PFKFB3: variants seen among roughly 807,000 people sequenced by gnomAD.
The protein encoded by PFKFB3 is 6-phosphofructo-2-kinase/fructose-2,6-biphosphatase 3.
In PFKFB3, 33 loss-of-function variants were observed where a neutral mutation model predicts 68.0. The observed-to-expected ratio is 0.49, with a 90% CI of 0.37 to 0.65. The LOEUF (loss-of-function observed/expected upper bound fraction) is 0.65. Ranked by LOEUF, PFKFB3 falls within the 30% of genes least tolerant of loss-of-function variation. PFKFB3 has a pLI of 0.00. For missense variants in PFKFB3, 586 were observed against 712.2 expected (o/e 0.82, Z 2.02); for synonymous variants, 315 against 288.2 (o/e 1.09, Z -0.94).
intron 10 of PFKFB3, 30 bp from the exon 11 acceptor site, chr10:6,222,825 G>C: frequency 6.3e-7 from 1 of 1,598,094 alleles, no homozygotes; most frequent in South Asian, 1.1e-5. Context: ...AGTGCCCTGA[G>C]CTCACGTGGG....
chr10:6,264,566 G>A, the PFKFB3 span, among the ~76,000 whole-genome samples: 1 of 151,992 alleles, frequency 6.6e-6, no homozygotes, highest in South Asian at 2.1e-4. Context: ...TTATTCTTAG[G>A]TATTTGATTT....
chr10:6,230,083 G>A (rs147364193), intron 14 of PFKFB3, among the ~76,000 whole-genome samples: 3 of 152,234 alleles, frequency 2.0e-5, no homozygotes, highest in Non-Finnish European at 2.9e-5. Flanking sequence ...GGAGCCATTC[G>A]GGGATAGTCC....
At chr10:6,318,049 G>A in the PFKFB3 span, among the ~76,000 whole-genome samples, 3 of 152,192 alleles carry the variant, frequency 2.0e-5, no homozygotes, top group African/African-American at 4.8e-5. Flanking sequence ...AACCTGAAAA[G>A]CGAAAGTTCC....
At chr10:6,193,801 C>T (rs952277740) in intron 1 of PFKFB3, among the ~76,000 whole-genome samples, 4 of 151,808 alleles carry the variant, frequency 2.6e-5, no homozygotes, top group African/African-American at 4.8e-5. Context: ...AAAGAAACTT[C>T]TTAAGGGTGG....
intron 14 of PFKFB3, among the ~76,000 whole-genome samples, chr10:6,252,323 T>G (rs1403039869): frequency 6.6e-6 from 1 of 152,252 alleles, no homozygotes; most frequent in Non-Finnish European, 1.5e-5. Flanking sequence ...CTTTGCGATT[T>G]TTTTCTTTTG....
In PFKFB3 at chr10:6,219,642, T is replaced by A. The variant is rs759944528; in HGVS notation, c.572T>A (p.Ile191Asn). The A allele has an allele frequency of 1.2e-6, 2 of 1,613,832 alleles. No individual in the cohort carries two copies. The highest frequency in any genetic ancestry group is 2.2e-5 in the South Asian group (2 of 91,062). Residue 191 changes from isoleucine to asparagine, a missense_variant, in exon 7 of 15, where the codon ATC becomes AAC. Ile to Asn is a moderately radical substitution (Grantham distance 149, BLOSUM62 -3). Coordinates refer to ENST00000379775, the MANE Select transcript of PFKFB3 (RefSeq NM_004566.4). ...GCCATGGACGACTTCATGAAGAGGA[T>A]CAGTTGCTATGAAGCCAGCTACCAG... ...AEAMDDFMKR[I>N]SCYEASYQPL...
rs142143409 is a variant in PFKFB3 at position 6,191,886 on chromosome 10, G to A, written c.17-21737G>A. Among the ~76,000 whole-genome samples, 316 of 152,142 alleles carry A rather than the reference G, an allele frequency of 2.1e-3. 2 individuals are homozygous for A. Among genetic ancestry groups the A allele is most frequent in the East Asian group, 8.5e-3 (44 of 5,184 alleles). On this transcript the variant is annotated intron_variant, in intron 1 of 14. Coordinates refer to the PFKFB3 transcript ENST00000379789. ...CTGTCTCGCTCTTTAGCCGTTTCTCGTAGGGATGGTGTCCAGGTGGCTCGG... is the reference window on the plus strand; with the variant it reads ...CTGTCTCGCTCTTTAGCCGTTTCTCATAGGGATGGTGTCCAGGTGGCTCGG...
chr10:6,215,836 G>A lies in PFKFB3; in HGVS notation c.300-289G>A, dbSNP rs1331430706. On this transcript the variant is annotated intron_variant, in intron 3 of 14. Coordinates refer to ENST00000379775, the MANE Select transcript of PFKFB3 (RefSeq NM_004566.4). The surrounding 1 kb of genome is among the most constrained non-coding windows in gnomAD (Gnocchi z 4.3). Reference sequence around the variant, plus strand: ...CAGGCCCCACCCCAGACCAGTTAGTGCAACTCTGTGGGTGGCTCTGGGCAG... The same window carrying A: ...CAGGCCCCACCCCAGACCAGTTAGTACAACTCTGTGGGTGGCTCTGGGCAG... 2.0e-5 allele frequency among the ~76,000 whole-genome samples: 3 copies of A among 152,194 alleles called. No homozygotes were observed. Among genetic ancestry groups the A allele is most frequent in the Admixed American group, 2.0e-4 (3 of 15,284 alleles).
the PFKFB3 span, among the ~76,000 whole-genome samples, chr10:6,281,412 G>A: frequency 6.6e-6 from 1 of 151,900 alleles, no homozygotes; most frequent in Non-Finnish European, 1.5e-5. Context: ...TGCAAGTGAA[G>A]CCCAGACTGT....
chr10:6,265,223 G>A, the PFKFB3 span, among the ~76,000 whole-genome samples: 2 of 151,836 alleles, frequency 1.3e-5, no homozygotes, highest in Admixed American at 6.6e-5. Flanking sequence ...TGGGACTACA[G>A]GTGCATGCCA....
At chr10:6,279,742 T>C in the PFKFB3 span, among the ~76,000 whole-genome samples, 1 of 152,148 alleles carries the variant, frequency 6.6e-6, no homozygotes, top group East Asian at 1.9e-4. Flanking sequence ...GTGAACAAAA[T>C]TTCCAGCCAT....
At chr10:6,298,151 AG>A in the PFKFB3 span, among the ~76,000 whole-genome samples, 13 of 152,284 alleles carry the variant, frequency 8.5e-5, no homozygotes, top group Non-Finnish European at 1.8e-4. Context: ...AAAGGGAAAA[AG>A]TGGAGGAGAC....
chr10:6,165,884 C>T (rs1315361379), intron 1 of PFKFB3, among the ~76,000 whole-genome samples: 2 of 151,690 alleles, frequency 1.3e-5, no homozygotes, highest in African/African-American at 2.4e-5. Context: ...GTGCTATCTC[C>T]GCTCACTGCA....
At chr10:6,177,428 T>TCTTC (rs1842532662) in intron 1 of PFKFB3, among the ~76,000 whole-genome samples, 2 of 128,830 alleles carry the variant, frequency 1.6e-5, no homozygotes, top group Admixed American at 8.8e-5. Flanking sequence ...TTTCTTCCTT[T>TCTTC]CTTTTCTTTC....
intron 14 of PFKFB3, among the ~76,000 whole-genome samples, chr10:6,231,078 C>T (rs1486705376): frequency 6.6e-6 from 1 of 152,098 alleles, no homozygotes. Context: ...CTGTCCGGAC[C>T]TGGTGCTCTG....
intron 14 of PFKFB3, among the ~76,000 whole-genome samples, chr10:6,246,588 C>T (rs556619561): frequency 2.3e-4 from 35 of 152,082 alleles, no homozygotes; most frequent in African/African-American, 7.2e-4. Flanking sequence ...GTGATCCGCC[C>T]GCGTCGGCCT....
chr10:6,170,989 G>A (rs1313868209), intron 1 of PFKFB3, among the ~76,000 whole-genome samples: 5 of 152,152 alleles, frequency 3.3e-5, no homozygotes, highest in East Asian at 3.8e-4. Context: ...GGATTACTCC[G>A]TGCAGGAAGG....
At chr10:6,181,954 A>G (rs1456137853) in intron 1 of PFKFB3, among the ~76,000 whole-genome samples, 4 of 152,060 alleles carry the variant, frequency 2.6e-5, no homozygotes, top group Non-Finnish European at 5.9e-5. Context: ...CACAGTTTCC[A>G]TTGGAGAAGA....
intron 1 of PFKFB3, among the ~76,000 whole-genome samples, chr10:6,178,551 G>A (rs1243788098): frequency 2.0e-5 from 2 of 102,368 alleles, no homozygotes; most frequent in Non-Finnish European, 4.1e-5. Flanking sequence ...CCACTGACCC[G>A]GAGCTGCTGG....
Sources: allele counts gnomAD v4.1 joint callset (sites outside exome capture counted in the v4.1 genomes callset), GRCh38; gene constraint gnomAD v4.1.1; non-coding constraint Gnocchi (gnomAD v3.1); transcripts MANE v1.5; gene names NCBI Gene and HGNC (gene_info 2026-07-23, HGNC 2026-07-21).